The following N4BP2L2 variants were observed in gnomAD, a reference collection of about 807,000 sequenced individuals.
N4BP2L2 encodes the protein NEDD4 binding protein 2 like 2.
A neutral mutation model predicts 56.2 loss-of-function variants in N4BP2L2; 50 were observed. The observed-to-expected ratio is 0.89, with a 90% confidence interval of 0.71 to 1.13. The LOEUF (loss-of-function observed/expected upper bound fraction) is 1.13, where lower values mean the gene tolerates loss of function less well. Among genes scored for constraint, N4BP2L2 ranks in the 50% most tolerant of loss-of-function variants. The pLI is 0.00. For synonymous variants in N4BP2L2, 203 were observed against 223.6 expected (o/e 0.91, Z 0.82); for missense variants, 689 against 693.8 (o/e 0.99, Z 0.08).
In N4BP2L2 at chr13:32,533,562, C is replaced by T. The variant is rs2055638623; in HGVS notation, c.1259+2207G>A. ...TTTGAGACAGGGTCTCAATCTGTCA[C>T]CCAGGCTAGAAAGCAATGGCACGAT... On this transcript the variant is annotated intron_variant, in intron 2 of 5. Transcript: ENST00000267068. 6.2e-5 allele frequency among the ~76,000 whole-genome samples: 9 copies of T among 144,950 alleles called. No individual in the cohort carries two copies. In the Admixed American group the frequency reaches 6.3e-4, roughly 10 times the overall value.
chr13:32,440,950 G>T (rs1440889467), intron 7 of N4BP2L2, among the ~76,000 whole-genome samples: 3 of 145,748 alleles, frequency 2.1e-5, no homozygotes, highest in Non-Finnish European at 4.5e-5. Context: ...TCCCAGGCAG[G>T]TTCAAGTGGT....
At position 32,462,039 on chromosome 13, in the gene N4BP2L2, C is replaced by G. The variant is rs182642191; in HGVS notation, c.366-17913G>C. On this transcript the variant is annotated intron_variant, in intron 6 of 9. Coordinates refer to the N4BP2L2 transcript ENST00000357505. The stretch of plus-strand genomic sequence containing the variant: ...ATTATTGAAAACCGTATAAATATTT[C>G]TCACAGAACTAAAAACAGGACTGCC... Among the ~76,000 whole-genome samples the G allele has an allele frequency of 4.3e-4, 65 of 152,294 alleles. 2 individuals are homozygous for G. The East Asian group carries it at 6.7e-3, about 16-fold the overall frequency.
chr13:32,444,030 G>A, exon 7 of N4BP2L2: 1 of 1,607,884 alleles, frequency 6.2e-7, no homozygotes, highest in South Asian at 1.1e-5. Flanking sequence ...TTTCCTCCAT[G>A]ATTCTATTCT....
chr13:32,479,794 T>TA (rs1327636653), intron 6 of N4BP2L2, among the ~76,000 whole-genome samples: 10 of 150,922 alleles, frequency 6.6e-5, no homozygotes, highest in East Asian at 3.9e-4. Context: ...AATAAAATGA[T>TA]AAAAAAATGA....
intron 6 of N4BP2L2, among the ~76,000 whole-genome samples, chr13:32,452,764 T>G (rs2078307076): frequency 6.6e-6 from 1 of 152,162 alleles, no homozygotes; most frequent in Admixed American, 6.5e-5. Context: ...TAACAATGAG[T>G]ACTATGATCC....
intron 6 of N4BP2L2, among the ~76,000 whole-genome samples, chr13:32,497,467 AG>A (rs978079391): frequency 6.6e-6 from 1 of 152,218 alleles, no homozygotes; most frequent in African/African-American, 2.4e-5. Flanking sequence ...CTGGAAATCC[AG>A]GCAACAACAG....
intron 5 of N4BP2L2, among the ~76,000 whole-genome samples, 168 bp from the exon 6 acceptor site, chr13:32,518,171 GT>G (rs544341590): frequency 6.6e-6 from 1 of 152,054 alleles, no homozygotes; most frequent in Admixed American, 6.6e-5. Flanking sequence ...AAACTCAAAT[GT>G]TTTTATCAAT....
chr13:32,488,159 T>C (rs1022681719), intron 6 of N4BP2L2, among the ~76,000 whole-genome samples: 3 of 152,240 alleles, frequency 2.0e-5, no homozygotes, highest in African/African-American at 7.2e-5. Flanking sequence ...TGTACCATTA[T>C]ACTATACAGC....
intron 6 of N4BP2L2, among the ~76,000 whole-genome samples, chr13:32,487,553 TC>T (rs2086157915): frequency 6.7e-6 from 1 of 150,296 alleles, no homozygotes; most frequent in Admixed American, 6.6e-5. Flanking sequence ...GCGCCTGTAA[TC>T]CCAGCTACTC....
chr13:32,527,947 T>C (rs1174103639), intron 2 of N4BP2L2, among the ~76,000 whole-genome samples: 1 of 152,138 alleles, frequency 6.6e-6, no homozygotes, highest in Non-Finnish European at 1.5e-5. Context: ...AATTTTTGCA[T>C]TTTTAGTACA....
At position 32,527,916 on chromosome 13, in the gene N4BP2L2, C is replaced by T. The variant is rs984117889; in HGVS notation, c.1260-384G>A. 2.6e-5 allele frequency among the ~76,000 whole-genome samples: 4 copies of T among 152,084 alleles called. No homozygotes were observed. In the East Asian group the frequency reaches 7.7e-4, roughly 29 times the overall value. On this transcript the variant is annotated intron_variant, in intron 2 of 5. Coordinates refer to ENST00000267068, the Ensembl canonical transcript of N4BP2L2. ...CCTCCTGAGTAGCTGGGATTACAAG[C>T]ATGTGCCACCATGCCTGGCTAATTT...
chr13:32,498,034 G>A (rs1487214077), intron 6 of N4BP2L2, among the ~76,000 whole-genome samples: 1 of 152,150 alleles, frequency 6.6e-6, no homozygotes, highest in Non-Finnish European at 1.5e-5. Flanking sequence ...CACCTGGGCT[G>A]GAGTGCAGTG....
chr13:32,533,405 G>A (rs1051651062), intron 2 of N4BP2L2, among the ~76,000 whole-genome samples: 1 of 151,758 alleles, frequency 6.6e-6, no homozygotes, highest in Non-Finnish European at 1.5e-5. Context: ...ATTGAGATGT[G>A]GGCAAAGACC....
chr13:32,488,583 T>A (rs1029076318), intron 6 of N4BP2L2, among the ~76,000 whole-genome samples: 3 of 152,210 alleles, frequency 2.0e-5, no homozygotes, highest in African/African-American at 7.2e-5. Flanking sequence ...ATTTAAATTA[T>A]AAATTATCAT....
chr13:32,438,865 G>A, intron 7 of N4BP2L2: 5 of 637,154 alleles, frequency 7.8e-6, no homozygotes, highest in Non-Finnish European at 1.1e-5. Context: ...AGATATTTCG[G>A]TGATGTCTAA....
exon 6 of N4BP2L2, chr13:32,517,136 A>C: frequency 2.0e-6 from 2 of 985,206 alleles, no homozygotes; most frequent in Non-Finnish European, 2.4e-6. Flanking sequence ...ACTGGCAAGC[A>C]TGTGGGGTTA....
At chr13:32,512,525 G>T (rs1050025527) in exon 6 of N4BP2L2, 1 of 152,078 alleles carries the variant, frequency 6.6e-6, no homozygotes, top group African/African-American at 2.4e-5. Flanking sequence ...AATGTAACAG[G>T]GTTATTTTTC....
intron 6 of N4BP2L2, among the ~76,000 whole-genome samples, chr13:32,471,730 CGA>C (rs1331580018): frequency 3.3e-5 from 5 of 152,164 alleles, no homozygotes; most frequent in South Asian, 2.1e-4. Flanking sequence ...AGAGCTGCTG[CGA>C]GAGAGCTGCT....
chr13:32,496,397 A>C (rs1388404250), intron 6 of N4BP2L2, among the ~76,000 whole-genome samples: 2 of 152,230 alleles, frequency 1.3e-5, no homozygotes, highest in African/African-American at 4.8e-5. Context: ...AGAAAATACA[A>C]AACAAGAAAC....
Sources: allele counts gnomAD v4.1 joint callset (sites outside exome capture counted in the v4.1 genomes callset), GRCh38; gene constraint gnomAD v4.1.1; transcripts MANE v1.5; gene names NCBI Gene and HGNC (gene_info 2026-07-23, HGNC 2026-07-21).